EZH2: variants seen among roughly 807,000 people sequenced by gnomAD.
The protein encoded by EZH2 is histone-lysine N-methyltransferase EZH2.
A neutral mutation model predicts 98.4 loss-of-function variants in EZH2; 18 were observed. The observed-to-expected ratio is 0.18, with a 90% confidence interval of 0.13 to 0.27. The LOEUF (loss-of-function observed/expected upper bound fraction) is 0.27. EZH2 is among the 10% of genes least tolerant of loss of function. The pLI is 1.00. For synonymous variants in EZH2, 338 were observed against 312.3 expected (o/e 1.08, Z -0.87); for missense variants, 470 against 935.1 (o/e 0.50, Z 6.49).
intron 2 of EZH2, 118 bp downstream of exon 2, chr7:148,847,064 A>G (rs1814344228): frequency 1.7e-6 from 2 of 1,192,886 alleles, no homozygotes; most frequent in Non-Finnish European, 2.3e-6. Context: ...GTATTCACTC[A>G]TCTTATTGTA....
intron 17 of EZH2, 50 bp from the exon 18 acceptor site, chr7:148,809,440 T>A: frequency 7.0e-7 from 1 of 1,423,704 alleles, no homozygotes. Flanking sequence ...CAGTTATAAG[T>A]AAACCAAGTT....
At chr7:148,822,152 G>T (rs1211565546) in intron 8 of EZH2, among the ~76,000 whole-genome samples, 1 of 152,180 alleles carries the variant, frequency 6.6e-6, no homozygotes, top group Non-Finnish European at 1.5e-5. Context: ...ACTAGAAAAA[G>T]TGAGAAACGC....
chr7:148,827,172 T>C lies in EZH2; in HGVS notation c.720A>G (p.Leu240=). The C allele has an allele frequency of 6.2e-7, 1 of 1,610,276 alleles. No homozygotes were observed. The highest frequency in any genetic ancestry group is 8.5e-7 in the Non-Finnish European group (1 of 1,178,752). Residue 240 remains leucine (L), a synonymous_variant, in exon 7 of 20, where the codon CTA becomes CTG. Coordinates refer to ENST00000320356, the MANE Select transcript of EZH2 (RefSeq NM_004456.5). The part of the protein sequence containing the change: ...MFPDKGTAEE[L]KEKYKELTEQ... ...AAGGAACAAATTCTTACTTTTCCTT[T>C]AGTTCTTCTGCTGTGCCCTTATCTG...
chr7:148,883,554 C>A (rs890196004), intron 1 of EZH2: 1 of 150,048 alleles, frequency 6.7e-6, no homozygotes, highest in Non-Finnish European at 1.5e-5. Context: ...CGCCCGGGAC[C>A]GGGGGCGTGC....
intron 8 of EZH2, among the ~76,000 whole-genome samples, chr7:148,821,815 C>G (rs1266328535): frequency 6.6e-6 from 1 of 152,200 alleles, no homozygotes; most frequent in East Asian, 1.9e-4. Flanking sequence ...GGTGACAGAG[C>G]AAGACCCTGT....
chr7:148,818,577 A>G (rs953153442), intron 9 of EZH2, among the ~76,000 whole-genome samples: 1 of 152,188 alleles, frequency 6.6e-6, no homozygotes, highest in African/African-American at 2.4e-5. Flanking sequence ...TCTTCGTGTT[A>G]ATATTTCAAC....
intron 16 of EZH2, among the ~76,000 whole-genome samples, 177 bp downstream of exon 16, chr7:148,811,448 G>A (rs1277846880): frequency 1.3e-5 from 2 of 152,136 alleles, no homozygotes; most frequent in Non-Finnish European, 2.9e-5. Context: ...ACCGCGCCCA[G>A]CACAATCCAG....
intron 1 of EZH2, among the ~76,000 whole-genome samples, chr7:148,867,285 C>T (rs953453186): frequency 6.6e-6 from 1 of 151,928 alleles, no homozygotes. Context: ...GAGATCGCAC[C>T]ATTGTAGTCC....
intron 10 of EZH2, 32 bp downstream of exon 10, chr7:148,817,845 A>G (rs752897124): frequency 2.0e-5 from 32 of 1,613,964 alleles, no homozygotes; most frequent in Non-Finnish European, 2.7e-5. Flanking sequence ...CTTTCACAGA[A>G]CAGTAAAACC....
intron 1 of EZH2, among the ~76,000 whole-genome samples, chr7:148,877,575 T>C (rs762710653): frequency 2.7e-4 from 41 of 152,306 alleles, no homozygotes; most frequent in Non-Finnish European, 4.7e-4. Flanking sequence ...AATTTACAGA[T>C]AGGGATGCTA....
intron 16 of EZH2, among the ~76,000 whole-genome samples, chr7:148,811,245 A>AGG (rs1446787113): frequency 6.6e-6 from 1 of 152,136 alleles, no homozygotes; most frequent in Non-Finnish European, 1.5e-5. Flanking sequence ...AGGCTCTTCC[A>AGG]GGCTCAAGCG....
intron 1 of EZH2, among the ~76,000 whole-genome samples, chr7:148,874,601 TTTTC>T (rs1443143783): frequency 6.6e-6 from 1 of 152,172 alleles, no homozygotes. Flanking sequence ...TTATATATTT[TTTTC>T]TTTGTTAAAC....
intron 14 of EZH2, 107 bp from the exon 15 acceptor site, chr7:148,814,244 A>C (rs535067026): frequency 1.1e-6 from 1 of 945,402 alleles, no homozygotes; most frequent in African/African-American, 1.6e-5. Context: ...CTCAACCCTC[A>C]CAACCACCTT....
intron 1 of EZH2, among the ~76,000 whole-genome samples, chr7:148,874,128 G>A (rs746297028): frequency 3.4e-5 from 5 of 146,772 alleles, no homozygotes; most frequent in Non-Finnish European, 6.0e-5. Flanking sequence ...GCTCATGCCT[G>A]TAATCCCAGC....
At chr7:148,867,609 A>T (rs1334925156) in intron 1 of EZH2, among the ~76,000 whole-genome samples, 1 of 152,162 alleles carries the variant, frequency 6.6e-6, no homozygotes, top group Admixed American at 6.5e-5. Flanking sequence ...GGGAGGAAAA[A>T]GCATTTTACC....
Position 148,847,197 on chromosome 7 carries a change from T to C in EZH2, c.102A>G (p.Arg34=). Residue 34 remains arginine (R), a synonymous_variant, in exon 2 of 20, where the codon CGA becomes CGG. Transcript: ENST00000320356. Reference sequence around the variant, plus strand: ...AAAATTATACCTTTACTTCATCAGCTCGTCTGAACCTCTTGAGCTGTCTCA... The same window carrying C: ...AAAATTATACCTTTACTTCATCAGCCCGTCTGAACCTCTTGAGCTGTCTCA... ...MRLRQLKRFR[R]ADEVKSMFSS... is the part of the protein sequence containing the mutation. The C allele has an allele frequency of 6.2e-7, 1 of 1,609,554 alleles. No homozygotes were observed. Among genetic ancestry groups the C allele is most frequent in the African/African-American group, 1.3e-5 (1 of 74,772 alleles).
intron 3 of EZH2, among the ~76,000 whole-genome samples, chr7:148,841,436 G>A (rs1585115279): frequency 2.0e-5 from 3 of 152,130 alleles, no homozygotes; most frequent in Non-Finnish European, 1.5e-5. Flanking sequence ...GCTACAGAAA[G>A]CAACTCAGAG....
chr7:148,808,469 C>T (rs1802116130), intron 19 of EZH2, among the ~76,000 whole-genome samples: 1 of 152,224 alleles, frequency 6.6e-6, no homozygotes, highest in Admixed American at 6.5e-5. Flanking sequence ...AATCTGTATT[C>T]AATGGCTGAC....
At chr7:148,874,806 A>C (rs1266519446) in intron 1 of EZH2, among the ~76,000 whole-genome samples, 1 of 151,954 alleles carries the variant, frequency 6.6e-6, no homozygotes. Context: ...CTTAGGCAGG[A>C]GAACAGCGTG....
Sources: allele counts gnomAD v4.1 joint callset (sites outside exome capture counted in the v4.1 genomes callset), GRCh38; gene constraint gnomAD v4.1.1; transcripts MANE v1.5; gene names NCBI Gene and HGNC (gene_info 2026-07-23, HGNC 2026-07-21).